The following SUGCT variants were observed in gnomAD, a reference collection of about 807,000 sequenced individuals.
The protein encoded by SUGCT is succinyl-CoA:glutarate-CoA transferase, also known as succinyl-CoA:glutarate CoA-transferase.
SUGCT carries 41 observed loss-of-function variants against 55.0 expected under a neutral mutation model. The observed-to-expected ratio is 0.74, with a 90% CI of 0.58 to 0.97. The LOEUF (loss-of-function observed/expected upper bound fraction) is 0.97, where lower values mean the gene tolerates loss of function less well. Among genes scored for constraint, SUGCT ranks in the 50% least tolerant of loss-of-function variants. SUGCT has a pLI of 0.00. For missense variants in SUGCT, 568 were observed against 547.8 expected (o/e 1.04, Z -0.37); for synonymous variants, 187 against 200.4 (o/e 0.93, Z 0.56).
intron 12 of SUGCT, among the ~76,000 whole-genome samples, chr7:40,581,418 T>C (rs1797084241): frequency 6.6e-6 from 1 of 152,158 alleles, no homozygotes; most frequent in South Asian, 2.1e-4. Flanking sequence ...ATCTGCAAAC[T>C]TGACATACCT....
At chr7:40,748,668 TTTA>T (rs1787861499) in intron 12 of SUGCT, among the ~76,000 whole-genome samples, 2 of 151,846 alleles carry the variant, frequency 1.3e-5, no homozygotes, top group Admixed American at 6.6e-5. Flanking sequence ...TTTATTTTAT[TTTA>T]TTATTATTTT....
chr7:40,261,768 G>A (rs1055723623), intron 7 of SUGCT, among the ~76,000 whole-genome samples: 6 of 152,166 alleles, frequency 3.9e-5, no homozygotes, highest in African/African-American at 9.6e-5. Context: ...GCAGATCTTC[G>A]TGGATATAAA....
At chr7:40,197,170 G>A (rs1276106286) in intron 6 of SUGCT, among the ~76,000 whole-genome samples, 1 of 152,084 alleles carries the variant, frequency 6.6e-6, no homozygotes, top group Non-Finnish European at 1.5e-5. Flanking sequence ...GACAGGTTCT[G>A]TACTTGGTAG....
the SUGCT span, among the ~76,000 whole-genome samples, chr7:40,867,787 G>T: frequency 6.6e-6 from 1 of 152,148 alleles, no homozygotes; most frequent in Admixed American, 6.6e-5. Flanking sequence ...AGAAGTGTTC[G>T]CTGCATGTTG....
At chr7:40,415,107 T>TATAA (rs1786918498) in intron 9 of SUGCT, among the ~76,000 whole-genome samples, 2 of 108,012 alleles carry the variant, frequency 1.9e-5, no homozygotes, top group African/African-American at 7.1e-5. Context: ...TATCTATCTA[T>TATAA]CTATCTATAT....
chr7:40,990,444 T>G, the SUGCT span, among the ~76,000 whole-genome samples: 1 of 152,232 alleles, frequency 6.6e-6, no homozygotes, highest in Non-Finnish European at 1.5e-5. Flanking sequence ...GCTTTGTTGT[T>G]GCATTTATAG....
chr7:40,653,781 T>C (rs1208821987), intron 12 of SUGCT, among the ~76,000 whole-genome samples: 1 of 152,228 alleles, frequency 6.6e-6, no homozygotes, highest in Non-Finnish European at 1.5e-5. Context: ...TTCATTGTGT[T>C]GTTTCACATG....
chr7:40,594,783 A>G (rs74907746), intron 12 of SUGCT, among the ~76,000 whole-genome samples: 3,831 of 152,314 alleles, frequency 0.025, 156 homozygotes, highest in African/African-American at 0.089. Context: ...TGCATGGTCA[A>G]TGTAAAACAG....
intron 9 of SUGCT, among the ~76,000 whole-genome samples, chr7:40,408,483 C>T (rs1169519257): frequency 6.6e-6 from 1 of 152,038 alleles, no homozygotes; most frequent in Non-Finnish European, 1.5e-5. Context: ...AGTCAATACC[C>T]AACTGTCTAA....
chr7:40,410,047 C>G (rs572829245), intron 9 of SUGCT, among the ~76,000 whole-genome samples: 4 of 151,826 alleles, frequency 2.6e-5, no homozygotes, highest in Non-Finnish European at 5.9e-5. Flanking sequence ...AATCTTTGCC[C>G]CTTGTGTAGC....
chr7:40,997,809 G>T, the SUGCT span, among the ~76,000 whole-genome samples: 1 of 152,198 alleles, frequency 6.6e-6, no homozygotes, highest in Non-Finnish European at 1.5e-5. Flanking sequence ...AATCTGTGTT[G>T]AATGGGAGTG....
chr7:40,433,675 TG>T (rs1269087830), intron 9 of SUGCT, among the ~76,000 whole-genome samples: 2 of 152,190 alleles, frequency 1.3e-5, no homozygotes, highest in Non-Finnish European at 2.9e-5. Context: ...AATGCTCAGT[TG>T]CATGATGTAT....
chr7:41,036,681 A>G, the SUGCT span, among the ~76,000 whole-genome samples: 2 of 152,162 alleles, frequency 1.3e-5, no homozygotes, highest in African/African-American at 4.8e-5. Context: ...TTTTGCACCA[A>G]CCTAATAGCT....
At chr7:40,917,592 A>C in the SUGCT span, among the ~76,000 whole-genome samples, 26 of 152,168 alleles carry the variant, frequency 1.7e-4, no homozygotes, top group Admixed American at 1.7e-3. Context: ...AGGAGAGAAG[A>C]AGCCAGTTGT....
chr7:40,600,564 T>C (rs1798242800), intron 12 of SUGCT, among the ~76,000 whole-genome samples: 1 of 152,234 alleles, frequency 6.6e-6, no homozygotes, highest in African/African-American at 2.4e-5. Context: ...TTTTCTTTGA[T>C]GAGAGACATG....
the SUGCT span, among the ~76,000 whole-genome samples, chr7:41,031,292 G>C: frequency 4.8e-3 from 728 of 152,300 alleles, 8 homozygotes; most frequent in African/African-American, 0.017. Context: ...GTCACAGGTT[G>C]GTGAGGATGC....
chr7:40,976,955 G>A, the SUGCT span, among the ~76,000 whole-genome samples: 1 of 152,180 alleles, frequency 6.6e-6, no homozygotes, highest in African/African-American at 2.4e-5. Context: ...AAATGATCAA[G>A]TTACAGAAAG....
chr7:40,140,738 G>C (rs1396631865), intron 1 of SUGCT, among the ~76,000 whole-genome samples: 15 of 152,122 alleles, frequency 9.9e-5, no homozygotes, highest in Admixed American at 9.8e-4. Flanking sequence ...GTATTATGCT[G>C]TTTTGGCTAC....
chr7:40,819,125 T>C (rs564329974), intron 13 of SUGCT, among the ~76,000 whole-genome samples: 46 of 152,242 alleles, frequency 3.0e-4, no homozygotes, highest in African/African-American at 1.1e-3. Context: ...ATGGTGTATA[T>C]GTGCCACATT....
Sources: allele counts gnomAD v4.1 joint callset (sites outside exome capture counted in the v4.1 genomes callset), GRCh38; gene constraint gnomAD v4.1.1; transcripts MANE v1.5; gene names NCBI Gene and HGNC (gene_info 2026-07-23, HGNC 2026-07-21).